Variants in ST3GAL2 observed in about 807,000 individuals in gnomAD.
ST3GAL2 encodes ST3 beta-galactoside alpha-2,3-sialyltransferase 2.
ST3GAL2 carries 16 observed loss-of-function variants against 37.5 expected under a neutral mutation model. The observed-to-expected ratio is 0.43, with a 90% CI of 0.29 to 0.65. The LOEUF is 0.65. Among genes scored for constraint, ST3GAL2 ranks in the 30% least tolerant of loss-of-function variants. The pLI, the probability that ST3GAL2 is intolerant of heterozygous loss-of-function variation, is 0.17. For synonymous variants in ST3GAL2, 238 were observed against 202.9 expected, an observed-to-expected ratio of 1.17 and a Z score of -1.47; for missense variants, 383 against 487.8, an observed-to-expected ratio of 0.79 and a Z score of 2.02.
intron 1 of ST3GAL2, among the ~76,000 whole-genome samples, chr16:70,414,937 G>A (rs1264763687): frequency 2.0e-5 from 3 of 151,938 alleles, no homozygotes; most frequent in African/African-American, 4.8e-5. Flanking sequence ...GCAGTGGCAC[G>A]ATCTCGGCTC....
chr16:70,387,830 T>G (rs2047453142), intron 4 of ST3GAL2, among the ~76,000 whole-genome samples: 1 of 151,868 alleles, frequency 6.6e-6, no homozygotes, highest in South Asian at 2.1e-4. Context: ...AACCAGATGG[T>G]CTGGCCGGGT....
At chr16:70,415,382 C>A (rs898985542) in intron 1 of ST3GAL2, among the ~76,000 whole-genome samples, 1 of 152,214 alleles carries the variant, frequency 6.6e-6, no homozygotes, top group African/African-American at 2.4e-5. Flanking sequence ...GCCCTCCGGG[C>A]GGCACGGGGA....
intron 1 of ST3GAL2, among the ~76,000 whole-genome samples, chr16:70,422,738 T>C (rs924653273): frequency 2.0e-5 from 3 of 152,122 alleles, no homozygotes; most frequent in African/African-American, 7.2e-5. Context: ...CCCAGCAAAG[T>C]GACTCACCTG....
chr16:70,383,249 GAA>G lies in ST3GAL2; in HGVS notation c.714-16_714-15del, dbSNP rs774174343. ...GGGGCGTAGGTGCTGTAAGCAAAAA[GAA>G]AGAAAGATAACATTTCAGGCTGGGC... On this transcript the variant is annotated splice_polypyrimidine_tract_variant and intron_variant, in intron 4 of 6. Transcript: ENST00000342907. 1.3e-6 allele frequency: 2 copies of G among 1,598,766 alleles called. No homozygotes were observed. Among genetic ancestry groups the G allele is most frequent in the South Asian group, 1.1e-5 (1 of 89,830 alleles).
chr16:70,398,078 G>C, intron 2 of ST3GAL2, 114 bp downstream of exon 2: 1 of 1,068,490 alleles, frequency 9.4e-7, no homozygotes, highest in Non-Finnish European at 1.4e-6. Context: ...TCCTATAAAT[G>C]GCTTGGTCAA....
chr16:70,398,577 C>A lies in ST3GAL2; in HGVS notation c.-47G>T. Reference sequence around the variant, plus strand: ...GTCACCGTGGCCACTCTTTTCCCAGCCCGCTGAGGGGCCAGCCACGGCGTA... The same window carrying A: ...GTCACCGTGGCCACTCTTTTCCCAGACCGCTGAGGGGCCAGCCACGGCGTA... On this transcript the variant is annotated 5_prime_UTR_variant, in exon 2 of 7. Transcript: ENST00000342907. The A allele has an allele frequency of 6.6e-7, 1 of 1,517,814 alleles. No homozygotes were observed. Among genetic ancestry groups the A allele is most frequent in the Non-Finnish European group, 8.8e-7 (1 of 1,131,814 alleles). 94.0% of individuals were successfully genotyped at this position (1,517,814 alleles called of 1,614,324 possible).
At chr16:70,384,770 A>G (rs986868723) in intron 4 of ST3GAL2, among the ~76,000 whole-genome samples, 1 of 151,648 alleles carries the variant, frequency 6.6e-6, no homozygotes. Flanking sequence ...CATGCCTGTA[A>G]TCCCAGCACT....
At chr16:70,420,287 G>T (rs1436306996) in intron 1 of ST3GAL2, among the ~76,000 whole-genome samples, 1 of 152,050 alleles carries the variant, frequency 6.6e-6, no homozygotes, top group African/African-American at 2.4e-5. Flanking sequence ...GAGCAGCATG[G>T]CAAGAGGTAG....
intron 1 of ST3GAL2, among the ~76,000 whole-genome samples, chr16:70,403,579 C>G (rs768451180): frequency 5.3e-5 from 8 of 152,190 alleles, no homozygotes; most frequent in Non-Finnish European, 8.8e-5. Context: ...TTTGGGAGGC[C>G]GAGGCGGGCG....
At chr16:70,438,539 G>C (rs1221972297) in intron 1 of ST3GAL2, among the ~76,000 whole-genome samples, 1 of 152,192 alleles carries the variant, frequency 6.6e-6, no homozygotes, top group Non-Finnish European at 1.5e-5. Context: ...CTCTGGCCAA[G>C]AGTGGGGCCG....
At chr16:70,407,888 G>C (rs911995884) in intron 1 of ST3GAL2, among the ~76,000 whole-genome samples, 2 of 152,156 alleles carry the variant, frequency 1.3e-5, no homozygotes, top group Admixed American at 1.3e-4. Flanking sequence ...CAGCACAGCT[G>C]AATACAACCT....
At chr16:70,426,761 C>T (rs1031570546) in intron 1 of ST3GAL2, among the ~76,000 whole-genome samples, 3 of 152,196 alleles carry the variant, frequency 2.0e-5, no homozygotes, top group Non-Finnish European at 2.9e-5. Context: ...CCACCCACCT[C>T]GGCCTCCCAA....
chr16:70,391,791 T>C (rs1248413668), intron 3 of ST3GAL2, among the ~76,000 whole-genome samples: 1 of 152,200 alleles, frequency 6.6e-6, no homozygotes, highest in Non-Finnish European at 1.5e-5. Context: ...CTTTTTTAAA[T>C]AGAGATGGGG....
intron 1 of ST3GAL2, among the ~76,000 whole-genome samples, chr16:70,408,932 G>GAA: frequency 2.9e-5 from 2 of 68,086 alleles, no homozygotes; most frequent in Non-Finnish European, 6.1e-5. Flanking sequence ...AAAAAAGAAA[G>GAA]AAAAAATAAA....
chr16:70,381,662 G>T lies in ST3GAL2; in HGVS notation c.*27C>A, dbSNP rs778095147. On this transcript the variant is annotated 3_prime_UTR_variant, in exon 7 of 7. Transcript: ENST00000342907. ...CGGAGCCCCGGTGCCCGATAGATGG[G>T]CCGGAAGGGTCGCGGCGAGGCCCGG... is the stretch of plus-strand genomic sequence containing the variant. 3.1e-6 allele frequency: 5 copies of T among 1,609,358 alleles called. No homozygotes were observed. The highest frequency in any genetic ancestry group is 3.3e-5 in the Admixed American group (2 of 59,868).
At chr16:70,408,646 C>T (rs1255627775) in intron 1 of ST3GAL2, among the ~76,000 whole-genome samples, 1 of 151,990 alleles carries the variant, frequency 6.6e-6, no homozygotes, top group Admixed American at 6.6e-5. Context: ...GCAGCCCCTC[C>T]CTTCCTGCAG....
In ST3GAL2 at chr16:70,379,333, T is replaced by C. The variant is rs1241299817; in HGVS notation, c.*2356A>G. On this transcript the variant is annotated 3_prime_UTR_variant, in exon 7 of 7. Coordinates refer to ENST00000342907, the MANE Select transcript of ST3GAL2 (RefSeq NM_006927.4). The stretch of plus-strand genomic sequence containing the variant: ...ATGCTTGTACCCGCTCAGATTTCAG[T>C]GTCTTGGAGCGCAGAGTCCAGGAAT... 6.6e-6 allele frequency: 1 copy of C among 152,164 alleles called. No homozygotes were observed. The highest frequency in any genetic ancestry group is 6.6e-5 in the Admixed American group (1 of 15,260). 9.4% of individuals were successfully genotyped at this position (152,164 alleles called of 1,614,324 possible).
At chr16:70,421,373 G>A (rs1453405397) in intron 1 of ST3GAL2, among the ~76,000 whole-genome samples, 2 of 152,226 alleles carry the variant, frequency 1.3e-5, no homozygotes, top group Non-Finnish European at 2.9e-5. Flanking sequence ...AAGGTTGGGG[G>A]ACGCCAAGGG....
rs922960956 is a variant in ST3GAL2, at chr16:70,380,399, T to C, written c.*1290A>G. 2 of 152,082 alleles carry C rather than the reference T, an allele frequency of 1.3e-5. No individual in the cohort carries two copies. The highest frequency in any genetic ancestry group is 2.9e-5 in the Non-Finnish European group (2 of 68,044). The allele number at this position is 152,082 out of a possible 1,614,324, so 9.4% of individuals were successfully genotyped here. On this transcript the variant is annotated 3_prime_UTR_variant, in exon 7 of 7. Transcript: ENST00000342907. ...GTTGGGGAGGGGGCTCTATTAGTGG[T>C]TTGAGAGCTTCACAGAAGCCTTCCC...
Sources: allele counts gnomAD v4.1 joint callset (sites outside exome capture counted in the v4.1 genomes callset), GRCh38; gene constraint gnomAD v4.1.1; transcripts MANE v1.5; gene names NCBI Gene and HGNC (gene_info 2026-07-23, HGNC 2026-07-21).